LRRC4C: variants seen among roughly 807,000 people sequenced by gnomAD.
The protein encoded by LRRC4C is leucine-rich repeat-containing protein 4C.
In LRRC4C, 5 loss-of-function variants were observed where a neutral mutation model predicts 33.6. The observed-to-expected ratio is 0.15, with a 90% confidence interval of 0.08 to 0.31. The LOEUF (loss-of-function observed/expected upper bound fraction) is 0.31. LRRC4C is among the 10% of genes least tolerant of loss of function. LRRC4C has a pLI of 1.00. For synonymous variants in LRRC4C, 329 were observed against 302.0 expected (o/e 1.09, Z -0.93); for missense variants, 560 against 796.7 (o/e 0.70, Z 3.58).
At chr11:40,819,760 G>T (rs1485962767) in intron 2 of LRRC4C, among the ~76,000 whole-genome samples, 1 of 146,478 alleles carries the variant, frequency 6.8e-6, no homozygotes, top group African/African-American at 2.6e-5. Context: ...ACCATACACT[G>T]CATCTGCAGA....
chr11:41,414,887 T>G (rs190353623), intron 1 of LRRC4C, among the ~76,000 whole-genome samples: 8 of 152,266 alleles, frequency 5.3e-5, no homozygotes, highest in Admixed American at 5.2e-4. Flanking sequence ...ATTAGGTCAC[T>G]TCAAGAGAGG....
intron 2 of LRRC4C, among the ~76,000 whole-genome samples, chr11:40,886,632 C>T (rs1187769411): frequency 6.6e-6 from 1 of 151,498 alleles, no homozygotes; most frequent in Non-Finnish European, 1.5e-5. Context: ...TGAAGTTATG[C>T]AACATCTTTT....
rs199853792 is a variant in LRRC4C, at chr11:40,115,426, G to A, written c.867C>T (p.Pro289=). Residue 289 remains proline (P), a synonymous_variant, in exon 7 of 7, where the codon CCC becomes CCT. Transcript: ENST00000528697. This position sits in a 1 kb window ranked among gnomAD's most constrained non-coding sequence, Gnocchi z 6.7. ...AATGTATCCGCTCTAGATGATGCAA[G>A]GGAGTGAAGAGGTCATGAGGCAGTA... ...LTLLPHDLFT[P]LHHLERIHLH... The A allele has an allele frequency of 1.4e-4, 218 of 1,614,206 alleles. 3 individuals carry two copies. The South Asian group carries it at 1.6e-3, about 12-fold the overall frequency.
intron 4 of LRRC4C, among the ~76,000 whole-genome samples, chr11:40,254,966 G>A (rs752716500): frequency 3.3e-5 from 5 of 152,100 alleles, no homozygotes; most frequent in Admixed American, 6.6e-5. Flanking sequence ...AAACAACCAT[G>A]CCTAGCTGTA....
At chr11:41,155,647 G>A (rs929866987) in intron 1 of LRRC4C, among the ~76,000 whole-genome samples, 1 of 151,864 alleles carries the variant, frequency 6.6e-6, no homozygotes, top group African/African-American at 2.4e-5. Flanking sequence ...CTATAGAACT[G>A]CTCTCTCCCC....
chr11:41,304,512 C>T (rs1383636483), intron 1 of LRRC4C, among the ~76,000 whole-genome samples: 111 of 91,716 alleles, frequency 1.2e-3, no homozygotes, highest in African/African-American at 4.1e-3. Flanking sequence ...CCGCCCCGTC[C>T]GGGAGGGAGG....
At chr11:40,628,978 T>G (rs190866755) in intron 3 of LRRC4C, among the ~76,000 whole-genome samples, 2 of 152,304 alleles carry the variant, frequency 1.3e-5, no homozygotes, top group Non-Finnish European at 2.9e-5. Flanking sequence ...ATTTTACTTG[T>G]TAACTAAACA....
At chr11:40,476,342 CTTTTTTTTTTTT>C (rs71308392) in intron 3 of LRRC4C, among the ~76,000 whole-genome samples, 2 of 81,370 alleles carry the variant, frequency 2.5e-5, no homozygotes, top group African/African-American at 8.9e-5. Flanking sequence ...TTTTTTTCTT[CTTTTTTTTTTTT>C]TTTTTTTTTT....
intron 1 of LRRC4C, among the ~76,000 whole-genome samples, chr11:41,162,487 T>A (rs920861936): frequency 1.3e-5 from 2 of 152,154 alleles, no homozygotes; most frequent in Admixed American, 1.3e-4. Flanking sequence ...TTCTTCACTG[T>A]GCAAAAATCA....
intron 4 of LRRC4C, among the ~76,000 whole-genome samples, chr11:40,302,466 G>T (rs2902086): frequency 0.98 from 148,825 of 152,256 alleles, 72,834 homozygotes; most frequent in Middle Eastern, 1. Context: ...ACCTCTATGG[G>T]TAAAGAATGG....
At chr11:40,878,508 C>A (rs1332478931) in intron 2 of LRRC4C, among the ~76,000 whole-genome samples, 1 of 152,144 alleles carries the variant, frequency 6.6e-6, no homozygotes, top group East Asian at 1.9e-4. Context: ...ATTCACAATA[C>A]GGTTAGTGCA....
At chr11:40,150,290 C>T (rs1858083330) in intron 5 of LRRC4C, among the ~76,000 whole-genome samples, 1 of 152,172 alleles carries the variant, frequency 6.6e-6, no homozygotes, top group African/African-American at 2.4e-5. Flanking sequence ...CAAATAAGGT[C>T]ACATCTGGCT....
At chr11:40,829,646 G>A (rs1265601579) in intron 2 of LRRC4C, among the ~76,000 whole-genome samples, 1 of 151,956 alleles carries the variant, frequency 6.6e-6, no homozygotes, top group Admixed American at 6.6e-5. Flanking sequence ...CGTCCAAATC[G>A]AGGTCTGTGC....
chr11:40,555,047 A>G (rs949563406), intron 3 of LRRC4C, among the ~76,000 whole-genome samples: 5 of 152,122 alleles, frequency 3.3e-5, no homozygotes, highest in Non-Finnish European at 5.9e-5. Context: ...TGATTTGGCT[A>G]TTTAATTGAA....
chr11:40,766,157 GGAGA>G (rs1209830545), intron 2 of LRRC4C, among the ~76,000 whole-genome samples: 1 of 150,204 alleles, frequency 6.7e-6, no homozygotes, highest in Non-Finnish European at 1.5e-5. Flanking sequence ...TCATAGGCCA[GGAGA>G]GAGAAAGTTT....
chr11:40,610,730 TAAAC>T (rs1264884270), intron 3 of LRRC4C, among the ~76,000 whole-genome samples: 2 of 151,604 alleles, frequency 1.3e-5, no homozygotes, highest in Non-Finnish European at 3.0e-5. Flanking sequence ...TACACTAAAA[TAAAC>T]AATTTAAAAA....
chr11:40,906,314 C>T (rs1956412137), intron 2 of LRRC4C, among the ~76,000 whole-genome samples: 2 of 152,178 alleles, frequency 1.3e-5, no homozygotes, highest in Admixed American at 1.3e-4. Flanking sequence ...AGTTCGAGAC[C>T]AGCCTGACCA....
At chr11:40,837,679 A>C (rs1018755636) in intron 2 of LRRC4C, among the ~76,000 whole-genome samples, 3 of 17,032 alleles carry the variant, frequency 1.8e-4, no homozygotes, top group East Asian at 7.2e-3. Flanking sequence ...GTCTCTTCAA[A>C]AAAAAAAAAA....
At chr11:41,194,706 C>T (rs890148786) in intron 1 of LRRC4C, among the ~76,000 whole-genome samples, 38 of 152,050 alleles carry the variant, frequency 2.5e-4, no homozygotes, top group African/African-American at 8.5e-4. Flanking sequence ...TCTCTGTCAA[C>T]GCCAGCCAAG....
Sources: allele counts gnomAD v4.1 joint callset (sites outside exome capture counted in the v4.1 genomes callset), GRCh38; gene constraint gnomAD v4.1.1; non-coding constraint Gnocchi (gnomAD v3.1); transcripts MANE v1.5; gene names NCBI Gene and HGNC (gene_info 2026-07-23, HGNC 2026-07-21).